PSEN1: variants seen among roughly 807,000 people sequenced by gnomAD.
The protein encoded by PSEN1 is presenilin-1.
PSEN1 carries 15 observed loss-of-function variants against 53.5 expected under a neutral mutation model. The ratio of observed to expected loss-of-function variants is 0.28; its 90% confidence interval spans 0.19 to 0.43. The LOEUF is 0.43. PSEN1 is among the 20% of genes least tolerant of loss of function. PSEN1 has a pLI of 1.00. For missense variants in PSEN1, 387 were observed against 571.2 expected (o/e 0.68, Z 3.29); for synonymous variants, 208 against 209.8 (o/e 0.99, Z 0.08).
chr14:73,172,706 A>G (rs925073192), intron 4 of PSEN1, among the ~76,000 whole-genome samples: 3 of 152,244 alleles, frequency 2.0e-5, no homozygotes, highest in African/African-American at 7.2e-5. Context: ...TAGAAAATCA[A>G]AACAACTGGT....
chr14:73,149,267 G>A (rs1897153285), intron 3 of PSEN1, among the ~76,000 whole-genome samples: 1 of 151,962 alleles, frequency 6.6e-6, no homozygotes, highest in Admixed American at 6.6e-5. Context: ...TGAGGTACGA[G>A]GATTGCTTGT....
In PSEN1 at chr14:73,192,625, C is replaced by T. The variant is rs201724748; in HGVS notation, c.549-19C>T. The T allele has an allele frequency of 1.6e-5, 24 of 1,527,688 alleles. No individual in the cohort carries two copies. The South Asian group carries it at 2.2e-4, about 14-fold the overall frequency. 94.6% of individuals were successfully genotyped at this position (1,527,688 alleles called of 1,614,324 possible). A position where few individuals can be genotyped will look rare whatever the true frequency, so the allele number is the denominator to read the frequency against. ...AAAATTATTGTACATCTTTTAAAAT[C>T]TGTGTAATTTTTTTTCAGGGAAGTG... On this transcript the variant is annotated intron_variant, in intron 6 of 11. Transcript: ENST00000324501.
intron 1 of PSEN1, among the ~76,000 whole-genome samples, chr14:73,144,035 CTTTTTT>C (rs766901431): frequency 5.0e-5 from 3 of 59,484 alleles, no homozygotes; most frequent in African/African-American, 2.0e-4. Context: ...TATAGCTTAT[CTTTTTT>C]TTTTTTTTTT....
intron 9 of PSEN1, among the ~76,000 whole-genome samples, chr14:73,208,143 G>A (rs1022187692): frequency 3.9e-5 from 6 of 152,174 alleles, no homozygotes; most frequent in Non-Finnish European, 5.9e-5. Context: ...CCTGAGTCTG[G>A]ACTCCCCGAA....
At chr14:73,171,084 G>T in intron 4 of PSEN1, 37 bp downstream of exon 4, 1 of 1,612,274 alleles carries the variant, frequency 6.2e-7, no homozygotes, top group Non-Finnish European at 8.5e-7. Flanking sequence ...CTCAAAGCCA[G>T]TGTGGCTTTT....
chr14:73,150,674 A>C (rs946402023), intron 3 of PSEN1, among the ~76,000 whole-genome samples: 2 of 149,520 alleles, frequency 1.3e-5, no homozygotes, highest in Non-Finnish European at 3.0e-5. Context: ...ACTGAGGCAG[A>C]GAATTGCTTG....
intron 5 of PSEN1, among the ~76,000 whole-genome samples, chr14:73,184,896 G>A (rs1270232162): frequency 2.6e-5 from 4 of 151,088 alleles, no homozygotes; most frequent in Non-Finnish European, 5.9e-5. Flanking sequence ...AGACGGGGCG[G>A]CCGGGCAGAG....
At chr14:73,184,985 C>T (rs1475433988) in intron 5 of PSEN1, among the ~76,000 whole-genome samples, 6 of 149,102 alleles carry the variant, frequency 4.0e-5, no homozygotes, top group Admixed American at 6.6e-5. Context: ...GGGGCAGAGG[C>T]GCTCCCCACA....
intron 9 of PSEN1, among the ~76,000 whole-genome samples, chr14:73,210,326 T>G (rs1899627450): frequency 6.6e-6 from 1 of 152,188 alleles, no homozygotes. Flanking sequence ...GTAGTTTAGT[T>G]GTGAATATTA....
chr14:73,207,704 G>A (rs572284686), intron 9 of PSEN1, among the ~76,000 whole-genome samples: 3 of 152,220 alleles, frequency 2.0e-5, no homozygotes, highest in Non-Finnish European at 2.9e-5. Context: ...CCTGAGATTT[G>A]CTCAGGCCCA....
intron 3 of PSEN1, among the ~76,000 whole-genome samples, chr14:73,157,100 A>G (rs1375658139): frequency 1.3e-5 from 2 of 150,568 alleles, no homozygotes; most frequent in Non-Finnish European, 3.0e-5. Context: ...TTTTCAAAGC[A>G]CCTACACACT....
chr14:73,157,920 A>C (rs564555126), intron 3 of PSEN1, among the ~76,000 whole-genome samples: 110 of 152,112 alleles, frequency 7.2e-4, no homozygotes, highest in Middle Eastern at 6.8e-3. Flanking sequence ...CAGGAGGCAG[A>C]GGTTGCAGTG....
intron 3 of PSEN1, among the ~76,000 whole-genome samples, chr14:73,160,701 T>C (rs75363802): frequency 0.012 from 1,763 of 152,188 alleles, 30 homozygotes; most frequent in African/African-American, 0.038. Flanking sequence ...CATGTGCTTG[T>C]TGGCTATTTG....
At chr14:73,195,618 A>T (rs1898908166) in intron 7 of PSEN1, among the ~76,000 whole-genome samples, 1 of 151,054 alleles carries the variant, frequency 6.6e-6, no homozygotes, top group Non-Finnish European at 1.5e-5. Flanking sequence ...AAGAAACAGG[A>T]TCTCACTCTG....
intron 5 of PSEN1, among the ~76,000 whole-genome samples, chr14:73,180,850 T>C (rs1898189823): frequency 6.6e-6 from 1 of 152,258 alleles, no homozygotes; most frequent in Admixed American, 6.5e-5. Flanking sequence ...AATTAACATA[T>C]TTGACATATT....
Position 73,143,988 on chromosome 14 carries a change from TAAAAAAAAA to T in PSEN1, c.-135-3788_-135-3780del, listed in dbSNP as rs530235019. ...GGTGACAGAGTGAGACCTTGTCTCT[TAAAAAAAAA>T]AAAAAAAAAAAAAAAAAAGATTTGC... On this transcript the variant is annotated intron_variant, in intron 1 of 11. Coordinates refer to ENST00000324501, the MANE Select transcript of PSEN1 (RefSeq NM_000021.4). Among the ~76,000 whole-genome samples the T allele has an allele frequency of 1.4e-3, 76 of 53,202 alleles. 1 individual carries two copies. The highest frequency in any genetic ancestry group is 6.5e-3 in the African/African-American group (72 of 11,054). 34.9% of individuals were successfully genotyped at this position (53,202 alleles called of 152,430 possible). A position where few individuals can be genotyped will look rare whatever the true frequency, so the allele number is the denominator to read the frequency against.
chr14:73,191,286 A>T (rs1898703618), intron 6 of PSEN1, among the ~76,000 whole-genome samples: 1 of 152,186 alleles, frequency 6.6e-6, no homozygotes, highest in Non-Finnish European at 1.5e-5. Context: ...ACTTTGCATA[A>T]ATGGGATCAT....
chr14:73,207,551 A>G (rs1179956163), intron 9 of PSEN1, among the ~76,000 whole-genome samples: 1 of 152,250 alleles, frequency 6.6e-6, no homozygotes, highest in Non-Finnish European at 1.5e-5. Context: ...ACTTTCAACC[A>G]GGAATTCCTA....
chr14:73,168,139 T>TGG (rs1486104292), intron 3 of PSEN1: 2 of 152,178 alleles, frequency 1.3e-5, no homozygotes, highest in African/African-American at 2.4e-5. Context: ...GTGGATCACC[T>TGG]GGGGTCAGGA....
Sources: gnomAD v4.1 joint callset for allele counts (sites outside exome capture counted in the v4.1 genomes callset) on GRCh38, gnomAD v4.1.1 for gene constraint, MANE v1.5 for transcripts, NCBI Gene and HGNC (gene_info 2026-07-23, HGNC 2026-07-21) for gene names.